Variants in IFT52 observed in about 807,000 individuals in gnomAD.
The protein encoded by IFT52 is intraflagellar transport protein 52 homolog.
IFT52 carries 44 observed loss-of-function variants against 54.4 expected under a neutral mutation model. That is an observed-to-expected ratio of 0.81 (90% CI 0.63 to 1.04). The LOEUF (loss-of-function observed/expected upper bound fraction) is 1.04, where lower values mean the gene tolerates loss of function less well. IFT52 is among the 50% of genes least tolerant of loss of function. The pLI is 0.00. For missense variants in IFT52, 452 were observed against 523.6 expected (o/e 0.86, Z 1.33); for synonymous variants, 181 against 185.3 (o/e 0.98, Z 0.19).
At chr20:43,614,359 C>G (rs967960640) in intron 7 of IFT52, among the ~76,000 whole-genome samples, 2 of 151,702 alleles carry the variant, frequency 1.3e-5, no homozygotes, top group Non-Finnish European at 2.9e-5. Context: ...CTCAGCCTCC[C>G]GAGTAGCTAA....
intron 6 of IFT52, among the ~76,000 whole-genome samples, chr20:43,611,054 A>G (rs1262318266): frequency 6.6e-6 from 1 of 152,218 alleles, no homozygotes; most frequent in Non-Finnish European, 1.5e-5. Flanking sequence ...TTTGTAATTA[A>G]TTATAGTGAA....
At chr20:43,599,235 G>A (rs1216124937) in intron 3 of IFT52, among the ~76,000 whole-genome samples, 1 of 152,096 alleles carries the variant, frequency 6.6e-6, no homozygotes, top group Admixed American at 6.6e-5. Flanking sequence ...TCCACCTAGC[G>A]AAGCCAATGA....
chr20:43,596,341 T>C lies in IFT52; in HGVS notation c.120-94T>C, dbSNP rs1334355744. On this transcript the variant is annotated intron_variant, in intron 2 of 13. Transcript: ENST00000373030. ...AAATCCCTTCATCTCTGAGCCTCTG[T>C]GGCCTCTGCTTCCAAATAGTTAAGA... The C allele has an allele frequency of 4.1e-6, 3 of 733,984 alleles. No individual in the cohort carries two copies. In the African/African-American group the frequency reaches 5.3e-5, roughly 13 times the overall value. The allele number at this position is 733,984 out of a possible 1,614,324, so 45.5% of individuals were successfully genotyped here.
chr20:43,633,096 C>G (rs1363366014), intron 10 of IFT52, among the ~76,000 whole-genome samples: 1 of 152,204 alleles, frequency 6.6e-6, no homozygotes, highest in African/African-American at 2.4e-5. Context: ...TCAATCCCAG[C>G]ACTTTGGGAG....
chr20:43,619,910 C>CTTTTTTTT (rs11482384), intron 8 of IFT52, among the ~76,000 whole-genome samples: 41 of 82,796 alleles, frequency 5.0e-4, no homozygotes, highest in Non-Finnish European at 6.3e-4. Context: ...AGATATTCTA[C>CTTTTTTTT]TTTTTTTTTT....
At chr20:43,600,816 C>A (rs1982383926) in intron 3 of IFT52, among the ~76,000 whole-genome samples, 1 of 151,814 alleles carries the variant, frequency 6.6e-6, no homozygotes, top group Admixed American at 6.6e-5. Flanking sequence ...ACTGAAAATA[C>A]AAAAATTAGC....
chr20:43,600,547 G>A (rs1016763201), intron 3 of IFT52, among the ~76,000 whole-genome samples: 4 of 152,098 alleles, frequency 2.6e-5, no homozygotes, highest in South Asian at 4.2e-4. Flanking sequence ...CTTGTGATCC[G>A]CCCGCCTTGG....
intron 3 of IFT52, among the ~76,000 whole-genome samples, chr20:43,597,224 A>T (rs1024195975): frequency 3.9e-4 from 59 of 151,816 alleles, no homozygotes; most frequent in African/African-American, 1.4e-3. Flanking sequence ...ATACAAAATT[A>T]GCCAGGCGTG....
At chr20:43,627,080 T>C (rs1984777123) in intron 10 of IFT52, among the ~76,000 whole-genome samples, 1 of 147,196 alleles carries the variant, frequency 6.8e-6, no homozygotes, top group Non-Finnish European at 1.5e-5. Context: ...GGCAGGAGAG[T>C]CACTTGAACC....
In IFT52 at chr20:43,641,183, T is replaced by C. The variant is rs148962309; in HGVS notation, c.1121-1296T>C. ...ATTATGGGTGATTTTTTTCTTTAAT[T>C]TTCTTTCTATAATATTGTTTGTTTT... On this transcript the variant is annotated intron_variant, in intron 12 of 13. Coordinates refer to ENST00000373030, the MANE Select transcript of IFT52 (RefSeq NM_016004.5). Among the ~76,000 whole-genome samples, 15 of 152,122 alleles carry C rather than the reference T, an allele frequency of 9.9e-5. No homozygotes were observed. In the East Asian group the frequency reaches 2.7e-3, roughly 27 times the overall value.
Position 43,635,964 on chromosome 20 carries a change from A to C in IFT52, c.962A>C (p.Gln321Pro), listed in dbSNP as rs1985505279. Residue 321 changes from glutamine (Q) to proline (P), a missense_variant, in exon 11 of 14, where the codon CAG becomes CCG. By Grantham distance (76) the Gln-to-Pro change is moderately conservative (BLOSUM62 -1). Coordinates refer to ENST00000373030, the MANE Select transcript of IFT52 (RefSeq NM_016004.5). ...CTAAATGTGAAACATGAACCACTCC[A>C]GCTCATCCAGCCTCAGTTTGAGACG... ...EQLNVKHEPLQLIQPQFETPL... is the reference protein window; with the variant it reads ...EQLNVKHEPLPLIQPQFETPL... 1 of 1,614,208 alleles carries C rather than the reference A, an allele frequency of 6.2e-7. No homozygotes were observed. The highest frequency in any genetic ancestry group is 1.1e-5 in the South Asian group (1 of 91,084).
intron 12 of IFT52, among the ~76,000 whole-genome samples, chr20:43,639,220 A>G (rs1985744490): frequency 7.0e-6 from 1 of 142,714 alleles, no homozygotes; most frequent in African/African-American, 2.6e-5. Flanking sequence ...CCTGGGTCAC[A>G]TAGACCCCAT....
intron 10 of IFT52, among the ~76,000 whole-genome samples, 159 bp from the exon 11 acceptor site, chr20:43,635,766 CT>C (rs1985488592): frequency 1.3e-5 from 2 of 152,114 alleles, no homozygotes; most frequent in South Asian, 4.1e-4. Flanking sequence ...ATTTATATTC[CT>C]TTGGGTGTAT....
At chr20:43,595,106 G>T (rs1242029082) in intron 2 of IFT52, among the ~76,000 whole-genome samples, 1 of 151,628 alleles carries the variant, frequency 6.6e-6, no homozygotes. Context: ...ATGAGGTCAT[G>T]GGTTCGAGAC....
intron 5 of IFT52, 84 bp downstream of exon 5, chr20:43,604,342 A>T: frequency 1.0e-6 from 1 of 974,228 alleles, no homozygotes. Context: ...GCCAAGGTGG[A>T]TGGATCATTT....
intron 5 of IFT52, among the ~76,000 whole-genome samples, chr20:43,604,729 A>G (rs1010529852): frequency 1.1e-4 from 17 of 151,950 alleles, no homozygotes; most frequent in African/African-American, 3.9e-4. Context: ...CTATATTACT[A>G]CTACTCATTC....
intron 3 of IFT52, among the ~76,000 whole-genome samples, chr20:43,600,883 A>G (rs1982388835): frequency 6.6e-6 from 1 of 152,052 alleles, no homozygotes; most frequent in African/African-American, 2.4e-5. Flanking sequence ...AGGCAGGAGA[A>G]TCACTTGAAC....
intron 10 of IFT52, among the ~76,000 whole-genome samples, chr20:43,628,221 G>T (rs1047389089): frequency 1.4e-5 from 2 of 148,076 alleles, no homozygotes; most frequent in East Asian, 1.9e-4. Context: ...GAGCCACCAC[G>T]CCCAGCCCAG....
chr20:43,597,610 A>G (rs1053251316), intron 3 of IFT52, among the ~76,000 whole-genome samples: 1 of 152,088 alleles, frequency 6.6e-6, no homozygotes, highest in South Asian at 2.1e-4. Flanking sequence ...TTGCCATATG[A>G]TGGCTGTGTG....
Sources: gnomAD v4.1 joint callset for allele counts (sites outside exome capture counted in the v4.1 genomes callset) on GRCh38, gnomAD v4.1.1 for gene constraint, MANE v1.5 for transcripts, NCBI Gene and HGNC (gene_info 2026-07-23, HGNC 2026-07-21) for gene names.